NALCN: variants seen among roughly 807,000 people sequenced by gnomAD.
NALCN encodes sodium leak channel NALCN.
Under a neutral mutation model 225.3 loss-of-function variants are expected in NALCN, and 111 were observed. The ratio of observed to expected loss-of-function variants is 0.49; its 90% CI spans 0.42 to 0.58. NALCN has a LOEUF of 0.58. Among genes scored for constraint, NALCN ranks in the 20% least tolerant of loss-of-function variants. The pLI is 0.00. For synonymous variants in NALCN, 764 were observed against 769.0 expected (o/e 0.99, Z 0.11); for missense variants, 1,378 against 2,202.4 (o/e 0.63, Z 7.49).
At chr13:101,156,410 G>C (rs548402798) in intron 15 of NALCN, among the ~76,000 whole-genome samples, 2 of 152,274 alleles carry the variant, frequency 1.3e-5, no homozygotes, top group African/African-American at 4.8e-5. Context: ...TCAGCAGAAA[G>C]AGCGGGGAAA....
chr13:101,254,841 A>C lies in NALCN; in HGVS notation c.1266+3602T>G, dbSNP rs918350179. On this transcript the variant is annotated intron_variant, in intron 11 of 43. Transcript: ENST00000251127. ...GGGAGGCGGAGCTTGCAGTGAGCCG[A>C]GATCCCGCCACTGCACTCCAGCCTG... 1.1e-4 allele frequency among the ~76,000 whole-genome samples: 7 copies of C among 66,340 alleles called. 1 individual carries two copies. Among genetic ancestry groups the C allele is most frequent in the African/African-American group, 2.5e-4 (6 of 23,924 alleles). 43.5% of individuals were successfully genotyped at this position (66,340 alleles called of 152,430 possible).
At chr13:101,071,371 G>C (rs2032872006) in intron 37 of NALCN, among the ~76,000 whole-genome samples, 1 of 152,182 alleles carries the variant, frequency 6.6e-6, no homozygotes. Flanking sequence ...TGTCTACATT[G>C]AAAATCCATT....
intron 7 of NALCN, among the ~76,000 whole-genome samples, chr13:101,326,218 C>T (rs1566578875): frequency 6.6e-6 from 1 of 152,146 alleles, no homozygotes; most frequent in African/African-American, 2.4e-5. Flanking sequence ...AATTTGTAAT[C>T]AAATGAAAAT....
In NALCN at chr13:101,104,283, G is replaced by A; in HGVS notation, c.2889+12C>T. On this transcript the variant is annotated intron_variant, in intron 25 of 43. Coordinates refer to ENST00000251127, the MANE Select transcript of NALCN (RefSeq NM_052867.4). This position sits in a 1 kb window ranked among gnomAD's most constrained non-coding sequence, Gnocchi z 4.2. ...ATTACATTTTTCATTTAGGCAATAA[G>A]CAAAGACTTACAAGATATATAAATA... is the stretch of plus-strand genomic sequence containing the variant. 5 of 1,583,188 alleles carry A rather than the reference G, an allele frequency of 3.2e-6. No homozygotes were observed. The highest frequency in any genetic ancestry group is 4.3e-6 in the Non-Finnish European group (5 of 1,169,582).
intron 13 of NALCN, among the ~76,000 whole-genome samples, chr13:101,194,731 T>C (rs2039820304): frequency 6.6e-6 from 1 of 152,188 alleles, no homozygotes; most frequent in Admixed American, 6.5e-5. Flanking sequence ...TGGCTGGGCA[T>C]GATGGCTCAC....
intron 4 of NALCN, 60 bp from the exon 5 acceptor site, chr13:101,377,116 T>C: frequency 1.2e-6 from 2 of 1,604,918 alleles, no homozygotes; most frequent in African/African-American, 1.3e-5. Context: ...CTTATAGTCA[T>C]GGAACATACA....
At chr13:101,351,296 TG>T (rs2045901509) in intron 6 of NALCN, among the ~76,000 whole-genome samples, 1 of 152,216 alleles carries the variant, frequency 6.6e-6, no homozygotes, top group South Asian at 2.1e-4. Flanking sequence ...GTAGCTTCCA[TG>T]TATCAAAATG....
chr13:101,225,623 T>G (rs1168032397), intron 13 of NALCN, among the ~76,000 whole-genome samples: 1 of 152,170 alleles, frequency 6.6e-6, no homozygotes, highest in East Asian at 1.9e-4. Context: ...CAAAATAGAC[T>G]GGGATTAGAT....
chr13:101,386,175 T>G (rs1422758878), intron 3 of NALCN, among the ~76,000 whole-genome samples: 1 of 152,202 alleles, frequency 6.6e-6, no homozygotes, highest in Non-Finnish European at 1.5e-5. Flanking sequence ...GCAGGTTGAC[T>G]TGTATAGGTA....
intron 10 of NALCN, 89 bp from the exon 11 acceptor site, chr13:101,258,663 T>C: frequency 6.5e-7 from 1 of 1,546,712 alleles, no homozygotes; most frequent in Non-Finnish European, 8.8e-7. Context: ...ACAGCACCTT[T>C]GTGATGTGCT....
chr13:101,109,039 G>C lies in NALCN; in HGVS notation c.2365-1250C>G, dbSNP rs954735831. 3.9e-5 allele frequency among the ~76,000 whole-genome samples: 6 copies of C among 152,102 alleles called. No individual in the cohort carries two copies. In the East Asian group the frequency reaches 9.6e-4, roughly 24 times the overall value. ...CTCCGGCACTGAGACTATTCAAATA[G>C]GGCCTTTGCTGTCTATGTTTAAACA... On this transcript the variant is annotated intron_variant, in intron 20 of 43. Transcript: ENST00000251127.
In NALCN at chr13:101,104,775, A is replaced by T. The variant is rs2035011502; in HGVS notation, c.2636+119T>A. ...ATTTTAAAAACATCATTCCCCAATC[A>T]TCTATTTCATAGCACTATATAGCAA... is the stretch of plus-strand genomic sequence containing the variant. On this transcript the variant is annotated intron_variant, in intron 23 of 43. Coordinates refer to ENST00000251127, the MANE Select transcript of NALCN (RefSeq NM_052867.4). The surrounding 1 kb of genome is among the most constrained non-coding windows in gnomAD (Gnocchi z 4.2). The T allele has an allele frequency of 1.3e-6, 2 of 1,543,748 alleles. No homozygotes were observed. Among genetic ancestry groups the T allele is most frequent in the Admixed American group, 1.8e-5 (1 of 56,922 alleles).
intron 7 of NALCN, among the ~76,000 whole-genome samples, chr13:101,336,137 C>T (rs911237548): frequency 2.6e-5 from 4 of 151,966 alleles, no homozygotes; most frequent in African/African-American, 4.8e-5. Context: ...ACACTGGACC[C>T]GTGTAAGTGG....
intron 15 of NALCN, among the ~76,000 whole-genome samples, chr13:101,171,438 C>T (rs2038714493): frequency 6.6e-6 from 1 of 151,196 alleles, no homozygotes; most frequent in South Asian, 2.1e-4. Context: ...CACACACACA[C>T]ATATATATTT....
chr13:101,187,884 A>G (rs2039514238), intron 14 of NALCN, among the ~76,000 whole-genome samples: 1 of 152,210 alleles, frequency 6.6e-6, no homozygotes, highest in East Asian at 1.9e-4. Flanking sequence ...GGCAATACTG[A>G]GGATATTCTG....
At chr13:101,186,507 C>A (rs980438048) in intron 14 of NALCN, among the ~76,000 whole-genome samples, 1 of 152,104 alleles carries the variant, frequency 6.6e-6, no homozygotes, top group African/African-American at 2.4e-5. Flanking sequence ...CAACTGCTGA[C>A]CATGTTTTAA....
chr13:101,411,303 G>A (rs969217941), intron 1 of NALCN, among the ~76,000 whole-genome samples: 2 of 150,424 alleles, frequency 1.3e-5, no homozygotes, highest in African/African-American at 4.9e-5. Context: ...TTGAGTCTGT[G>A]GGCATGCTTC....
At chr13:101,178,849 G>A (rs781197522) in intron 14 of NALCN, among the ~76,000 whole-genome samples, 31 of 152,268 alleles carry the variant, frequency 2.0e-4, no homozygotes, top group Middle Eastern at 3.4e-3. Flanking sequence ...TTCTGCCTCC[G>A]TGATCTCTTT....
At chr13:101,334,914 G>C (rs2139253392) in intron 7 of NALCN, among the ~76,000 whole-genome samples, 1 of 151,720 alleles carries the variant, frequency 6.6e-6, no homozygotes, top group African/African-American at 2.4e-5. Context: ...AAGGAGGGAG[G>C]GAATTATATA....
Sources: allele counts gnomAD v4.1 joint callset (sites outside exome capture counted in the v4.1 genomes callset), GRCh38; gene constraint gnomAD v4.1.1; non-coding constraint Gnocchi (gnomAD v3.1); transcripts MANE v1.5; gene names NCBI Gene and HGNC (gene_info 2026-07-23, HGNC 2026-07-21).